The following ZNF274 variants were observed in gnomAD, a reference collection of about 807,000 sequenced individuals.
ZNF274 encodes the protein zinc finger protein 274, also known as neurotrophin receptor-interacting factor homolog.
A neutral mutation model predicts 42.5 loss-of-function variants in ZNF274; 23 were observed. The ratio of observed to expected loss-of-function variants is 0.54; its 90% CI spans 0.39 to 0.77. The LOEUF is 0.77. Ranked by LOEUF, ZNF274 falls within the 30% of genes least tolerant of loss-of-function variation. ZNF274 has a pLI of 0.00. For missense variants in ZNF274, 679 were observed against 806.5 expected, an observed-to-expected ratio of 0.84 and a Z score of 1.91; for synonymous variants, 292 against 305.4, an observed-to-expected ratio of 0.96 and a Z score of 0.46.
Position 58,206,788 on chromosome 19 carries a change from G to A in ZNF274, c.325G>A (p.Glu109Lys). 1 of 1,613,556 alleles carries A rather than the reference G, an allele frequency of 6.2e-7. No individual in the cohort carries two copies. Among genetic ancestry groups the A allele is most frequent in the South Asian group, 1.1e-5 (1 of 90,942 alleles). The change falls in exon 5 of 8, where the codon GAG (glutamate) becomes AAG (lysine). Residue 109 changes from glutamate to lysine, a missense_variant. This residue lies in a region of ZNF274 where 223 missense variants were observed against 216.4 expected (regional missense o/e 1.03). Coordinates refer to ENST00000617501, the MANE Select transcript of ZNF274 (RefSeq NM_133502.3). The part of the protein sequence containing the change: ...LPAESPLMNI[E>K]VVEVLTLNQE... ...TGCTGAGAGTCCCCTAATGAACATT[G>A]AGGTTGTTGAGGTCCTCACACTGAA... is the stretch of plus-strand genomic sequence containing the variant.
chr19:58,187,583 G>A (rs979393283), intron 4 of ZNF274, among the ~76,000 whole-genome samples: 2 of 151,974 alleles, frequency 1.3e-5, no homozygotes, highest in Non-Finnish European at 2.9e-5. Context: ...CACCATGCCC[G>A]TTTAATTGTT....
chr19:58,185,940 T>C (rs2075692841), intron 3 of ZNF274, 102 bp downstream of exon 3: 4 of 1,115,758 alleles, frequency 3.6e-6, no homozygotes, highest in African/African-American at 1.6e-5. Flanking sequence ...GGGGCACCAG[T>C]AGGAAAAGGG....
At chr19:58,184,707 A>G (rs899877222) in intron 2 of ZNF274, 4 of 152,132 alleles carry the variant, frequency 2.6e-5, no homozygotes, top group African/African-American at 7.3e-5. Context: ...GGTGAAGGAG[A>G]TAGAAAGAAG....
chr19:58,199,357 CTCTG>C (rs756571235), intron 4 of ZNF274, among the ~76,000 whole-genome samples: 22 of 151,056 alleles, frequency 1.5e-4, no homozygotes, highest in Non-Finnish European at 2.8e-4. Flanking sequence ...CAGAGCAAGA[CTCTG>C]TCTAAAAAAA....
At chr19:58,189,914 A>G (rs181666677) in intron 4 of ZNF274, among the ~76,000 whole-genome samples, 27 of 151,948 alleles carry the variant, frequency 1.8e-4, no homozygotes, top group Admixed American at 4.6e-4. Context: ...CATGAGGTCA[A>G]GAAATCGAGA....
At chr19:58,192,094 A>G (rs2014798667) in intron 4 of ZNF274, among the ~76,000 whole-genome samples, 1 of 152,230 alleles carries the variant, frequency 6.6e-6, no homozygotes, top group Non-Finnish European at 1.5e-5. Flanking sequence ...AAGGAAAATA[A>G]GTCCGTGGAC....
intron 4 of ZNF274, among the ~76,000 whole-genome samples, chr19:58,191,791 G>C (rs1329555485): frequency 6.6e-6 from 1 of 152,192 alleles, no homozygotes; most frequent in Non-Finnish European, 1.5e-5. Context: ...ATTAGATGCT[G>C]TCCTTCCTCT....
intron 4 of ZNF274, among the ~76,000 whole-genome samples, chr19:58,188,876 C>T (rs1327911225): frequency 1.9e-5 from 2 of 104,304 alleles, no homozygotes; most frequent in Non-Finnish European, 3.8e-5. Context: ...GACAGTGAGA[C>T]CCTGTCTCAA....
chr19:58,209,298 T>C (rs576800078), intron 5 of ZNF274: 1 of 152,388 alleles, frequency 6.6e-6, no homozygotes, highest in South Asian at 2.1e-4. Context: ...GAGAAAGGGA[T>C]GGTCCAGTGT....
intron 4 of ZNF274, among the ~76,000 whole-genome samples, chr19:58,188,616 A>ATATATAT (rs2075730378): frequency 1.6e-5 from 1 of 60,702 alleles, no homozygotes; most frequent in African/African-American, 7.9e-5. Context: ...AAAAAAAAAA[A>ATATATAT]AAAAATATAT....
rs2075688266 is a variant in ZNF274, at chr19:58,185,599, T to C, written c.34-113T>C. ...TCAGGATGAGACTCCCAAAATGCCC[T>C]TGGGTCATCTTGTAGACCATTCTGT... is the stretch of plus-strand genomic sequence containing the variant. On this transcript the variant is annotated intron_variant, in intron 2 of 7. Coordinates refer to ENST00000617501, the MANE Select transcript of ZNF274 (RefSeq NM_133502.3). The C allele has an allele frequency of 3.3e-6, 4 of 1,212,140 alleles. No individual in the cohort carries two copies. The South Asian group carries it at 8.4e-5, about 26-fold the overall frequency. 75.1% of individuals were successfully genotyped at this position (1,212,140 alleles called of 1,614,324 possible).
intron 4 of ZNF274, among the ~76,000 whole-genome samples, chr19:58,200,988 C>T (rs898497843): frequency 2.6e-5 from 4 of 151,224 alleles, no homozygotes; most frequent in African/African-American, 4.9e-5. Flanking sequence ...AAGAAGGTGC[C>T]GCATACTGTT....
Position 58,212,421 on chromosome 19 carries a change from A to C in ZNF274, c.1240A>C (p.Thr414Pro). The change falls in exon 8 of 8, where the codon ACA becomes CCA. Residue 414 changes from threonine to proline, a missense_variant. This residue lies in a region of ZNF274 where 456 missense variants were observed against 590.1 expected (regional missense o/e 0.77). Coordinates refer to ENST00000617501, the MANE Select transcript of ZNF274 (RefSeq NM_133502.3). This position sits in a 1 kb window ranked among gnomAD's most constrained non-coding sequence, Gnocchi z 4.6. ...CCAGGCAAACAGTGGTGCTCTTGAC[A>C]CAAACCAAGTTTCGCTCCAGAAAAT... is the stretch of plus-strand genomic sequence containing the variant. ...ESQANSGALD[T>P]NQVSLQKIDN... is the part of the protein sequence containing the mutation. 1 of 1,612,920 alleles carries C rather than the reference A, an allele frequency of 6.2e-7. No homozygotes were observed. Among genetic ancestry groups the C allele is most frequent in the Non-Finnish European group, 8.5e-7 (1 of 1,179,338 alleles).
chr19:58,198,332 C>G (rs192991388), intron 4 of ZNF274, among the ~76,000 whole-genome samples: 76 of 152,262 alleles, frequency 5.0e-4, no homozygotes, highest in Non-Finnish European at 4.0e-4. Context: ...GAATGAGCAA[C>G]CTCTTTATGT....
rs1783188027 is a variant in ZNF274, at chr19:58,207,388, T to C, written c.739+186T>C. On this transcript the variant is annotated intron_variant, in intron 5 of 7. Coordinates refer to ENST00000617501, the MANE Select transcript of ZNF274 (RefSeq NM_133502.3). The surrounding 1 kb of genome is among the most constrained non-coding windows in gnomAD (Gnocchi z 5.6). ...GAGCCACTGAAACCCTTGCATTCTT[T>C]AGCCCTTCGTGGGCTTCTGATGGAA... is the stretch of plus-strand genomic sequence containing the variant. Among the ~76,000 whole-genome samples, 1 of 152,198 alleles carries C rather than the reference T, an allele frequency of 6.6e-6. No individual in the cohort carries two copies. The highest frequency in any genetic ancestry group is 1.5e-5 in the Non-Finnish European group (1 of 68,030).
chr19:58,207,624 A>G lies in ZNF274; in HGVS notation c.739+422A>G, dbSNP rs2075994086. On this transcript the variant is annotated intron_variant, in intron 5 of 7. Transcript: ENST00000617501. This position sits in a 1 kb window ranked among gnomAD's most constrained non-coding sequence, Gnocchi z 5.6. The stretch of plus-strand genomic sequence containing the variant: ...TGAGGCTTATGAAGGTCTGCAGCTG[A>G]CACCTGGTGTGGAGTGGAACTTGGC... Among the ~76,000 whole-genome samples, 1 of 152,166 alleles carries G rather than the reference A, an allele frequency of 6.6e-6. No homozygotes were observed.
At chr19:58,194,371 C>CTTTTTTTTTTTTTTTT (rs766266627) in intron 4 of ZNF274, among the ~76,000 whole-genome samples, 1 of 64,174 alleles carries the variant, frequency 1.6e-5, no homozygotes, top group African/African-American at 6.8e-5. Context: ...TGTTTTTTAC[C>CTTTTTTTTTTTTTTTT]TTTTTTTTTT....
intron 4 of ZNF274, among the ~76,000 whole-genome samples, chr19:58,196,232 C>A (rs183582556): frequency 6.6e-6 from 1 of 152,206 alleles, no homozygotes; most frequent in East Asian, 1.9e-4. Flanking sequence ...ATTTAGGAAA[C>A]CCTGCAGGGC....
chr19:58,188,676 G>GTGTGTA (rs1555816861), intron 4 of ZNF274, among the ~76,000 whole-genome samples: 4 of 79,772 alleles, frequency 5.0e-5, no homozygotes, highest in Admixed American at 1.7e-4. Flanking sequence ...GTGTGTGTGT[G>GTGTGTA]TATATATATA....
Sources: allele counts gnomAD v4.1 joint callset (sites outside exome capture counted in the v4.1 genomes callset), GRCh38; gene constraint gnomAD v4.1.1; regional missense constraint gnomAD v4.1.1; non-coding constraint Gnocchi (gnomAD v3.1); transcripts MANE v1.5; gene names NCBI Gene and HGNC (gene_info 2026-07-23, HGNC 2026-07-21).